CYP7B1: variants seen among roughly 807,000 people sequenced by gnomAD.
CYP7B1 encodes the protein cytochrome P450 7B1.
Under a neutral mutation model 42.7 loss-of-function variants are expected in CYP7B1, and 29 were observed. The observed-to-expected ratio is 0.68, with a 90% CI of 0.51 to 0.93. The LOEUF (loss-of-function observed/expected upper bound fraction) is 0.93, where lower values mean the gene tolerates loss of function less well. CYP7B1 is among the 40% of genes least tolerant of loss of function. CYP7B1 has a pLI of 0.00. For missense variants in CYP7B1, 655 were observed against 600.5 expected, an observed-to-expected ratio of 1.09 and a Z score of -0.95; for synonymous variants, 235 against 218.2, an observed-to-expected ratio of 1.08 and a Z score of -0.68.
chr8:64,761,734 C>G (rs2129633733), intron 1 of CYP7B1, among the ~76,000 whole-genome samples: 1 of 152,214 alleles, frequency 6.6e-6, no homozygotes, highest in South Asian at 2.1e-4. Flanking sequence ...CACCAGAATG[C>G]ACATAAACCA....
intron 1 of CYP7B1, among the ~76,000 whole-genome samples, chr8:64,748,415 A>C (rs527641996): frequency 2.0e-5 from 3 of 152,262 alleles, no homozygotes; most frequent in African/African-American, 7.2e-5. Flanking sequence ...ATTCAAATCC[A>C]GTAAGTACTT....
chr8:64,640,093 A>G (rs566744373), intron 1 of CYP7B1, among the ~76,000 whole-genome samples: 1 of 152,270 alleles, frequency 6.6e-6, no homozygotes, highest in African/African-American at 2.4e-5. Context: ...TTGAAAAGAT[A>G]AAAATAGAGG....
At position 64,753,398 on chromosome 8, in the gene CYP7B1, TTTC is replaced by T; in HGVS notation, c.122+45065_122+45067del. Among the ~76,000 whole-genome samples, 3 of 152,358 alleles carry T rather than the reference TTTC, an allele frequency of 2.0e-5. 1 individual carries two copies. The highest frequency in any genetic ancestry group is 2.0e-4 in the Admixed American group (3 of 15,302). On this transcript the variant is annotated intron_variant, in intron 1 of 5. Transcript: ENST00000310193. ...CTCCTTGCTTTGCAATCCAACTTGG[TTTC>T]TTCTATATACTAAGCAAGTATATGT...
chr8:64,641,361 A>T (rs1486325136), intron 1 of CYP7B1, among the ~76,000 whole-genome samples: 1 of 152,190 alleles, frequency 6.6e-6, no homozygotes, highest in Non-Finnish European at 1.5e-5. Context: ...TGATAAAAGT[A>T]AAATACAAAA....
chr8:64,641,925 A>C (rs1449527601), intron 1 of CYP7B1, among the ~76,000 whole-genome samples: 1 of 152,190 alleles, frequency 6.6e-6, no homozygotes, highest in Non-Finnish European at 1.5e-5. Flanking sequence ...AAACATATAG[A>C]CTGAGCAAAA....
chr8:64,710,835 A>C, intron 1 of CYP7B1, among the ~76,000 whole-genome samples: 1 of 150,790 alleles, frequency 6.6e-6, no homozygotes, highest in Admixed American at 6.6e-5. Flanking sequence ...GCACCTTATA[A>C]AAATAAATAC....
At chr8:64,750,254 C>T (rs1220090426) in intron 1 of CYP7B1, among the ~76,000 whole-genome samples, 1 of 152,072 alleles carries the variant, frequency 6.6e-6, no homozygotes, top group African/African-American at 2.4e-5. Flanking sequence ...AATGATTCTC[C>T]ACCTTTACCT....
At chr8:64,628,133 A>C (rs1183819373) in intron 1 of CYP7B1, among the ~76,000 whole-genome samples, 2 of 152,186 alleles carry the variant, frequency 1.3e-5, no homozygotes, top group Non-Finnish European at 2.9e-5. Flanking sequence ...TCATAATCTC[A>C]AACAATATAC....
Position 64,604,945 on chromosome 8 carries a change from G to A in CYP7B1, c.1058-88C>T, listed in dbSNP as rs531001215. 638 of 1,384,302 alleles carry A rather than the reference G, an allele frequency of 4.6e-4. 1 individual carries two copies. The highest frequency in any genetic ancestry group is 5.8e-4 in the Non-Finnish European group (584 of 1,002,948). The allele number at this position is 1,384,302 out of a possible 1,614,324, so 85.8% of individuals were successfully genotyped here. A position where few individuals can be genotyped will look rare whatever the true frequency, so the allele number is the denominator to read the frequency against. On this transcript the variant is annotated intron_variant, in intron 4 of 5. Transcript: ENST00000310193. ...TTTGCAATAAAACTCATTACTAATAGCCTTGATTGAAAAGGAAACTGTTTC... is the reference window on the plus strand; with the variant it reads ...TTTGCAATAAAACTCATTACTAATAACCTTGATTGAAAAGGAAACTGTTTC...
chr8:64,731,198 C>T (rs1807403829), intron 1 of CYP7B1, among the ~76,000 whole-genome samples: 1 of 152,000 alleles, frequency 6.6e-6, no homozygotes. Context: ...CTGCAGATAC[C>T]CAAAAATGTG....
intron 1 of CYP7B1, among the ~76,000 whole-genome samples, chr8:64,754,349 A>G (rs1368624528): frequency 1.2e-4 from 18 of 152,228 alleles, no homozygotes; most frequent in Admixed American, 1.1e-3. Flanking sequence ...TTGGTGCATT[A>G]CATTAATAAA....
chr8:64,714,087 T>G (rs763451948), intron 1 of CYP7B1, among the ~76,000 whole-genome samples: 1 of 152,174 alleles, frequency 6.6e-6, no homozygotes, highest in East Asian at 1.9e-4. Flanking sequence ...GCCCAGCTTT[T>G]CTGAGTGGAG....
chr8:64,788,488 G>A (rs112625682), intron 1 of CYP7B1, among the ~76,000 whole-genome samples: 9 of 152,262 alleles, frequency 5.9e-5, no homozygotes, highest in East Asian at 1.9e-4. Flanking sequence ...CCTGAGGTTC[G>A]TTGCTGTGCC....
At chr8:64,658,493 T>C (rs1450058192) in intron 1 of CYP7B1, among the ~76,000 whole-genome samples, 2 of 152,224 alleles carry the variant, frequency 1.3e-5, no homozygotes, top group Non-Finnish European at 2.9e-5. Context: ...ATAACTCTTA[T>C]ATGGAATGTG....
intron 1 of CYP7B1, among the ~76,000 whole-genome samples, chr8:64,676,881 C>T (rs1178905473): frequency 1.3e-5 from 2 of 151,982 alleles, no homozygotes; most frequent in African/African-American, 4.8e-5. Context: ...CAAAACTGAT[C>T]CACCATAGCC....
chr8:64,727,529 G>A (rs1039638119), intron 1 of CYP7B1, among the ~76,000 whole-genome samples: 9 of 152,124 alleles, frequency 5.9e-5, no homozygotes, highest in Non-Finnish European at 1.3e-4. Flanking sequence ...TTTTTGAAAA[G>A]AAGAATTATC....
Position 64,748,897 on chromosome 8 carries a change from T to C in CYP7B1, c.122+49569A>G, listed in dbSNP as rs1459592149. ...TAGTAAACTACAGTCTCCATCTTCA[T>C]AGAGCTGTAGTCTACAGCTAGAGAA... On this transcript the variant is annotated intron_variant, in intron 1 of 5. Transcript: ENST00000310193. Among the ~76,000 whole-genome samples, 8 of 152,194 alleles carry C rather than the reference T, an allele frequency of 5.3e-5. No individual in the cohort carries two copies. The East Asian group carries it at 1.2e-3, about 22-fold the overall frequency.
In CYP7B1 at chr8:64,639,859, CAT is replaced by C. The variant is rs530202293; in HGVS notation, c.123-15322_123-15321del. 2.2e-3 allele frequency among the ~76,000 whole-genome samples: 334 copies of C among 152,074 alleles called. 1 individual carries two copies. The highest frequency in any genetic ancestry group is 6.8e-3 in the Middle Eastern group (2 of 294). On this transcript the variant is annotated intron_variant, in intron 1 of 5. Coordinates refer to ENST00000310193, the MANE Select transcript of CYP7B1 (RefSeq NM_004820.5). ...TAATAGTCAAAATTTAGAAATAATT[CAT>C]ATGTCTATTGATTAGTGAATGGGTA... is the stretch of plus-strand genomic sequence containing the variant.
intron 1 of CYP7B1, among the ~76,000 whole-genome samples, chr8:64,669,958 T>G (rs2129631661): frequency 6.6e-6 from 1 of 152,352 alleles, no homozygotes; most frequent in East Asian, 1.9e-4. Context: ...CTTCCAGATT[T>G]GCCTTTTTGT....
Sources: allele counts gnomAD v4.1 joint callset (sites outside exome capture counted in the v4.1 genomes callset), GRCh38; gene constraint gnomAD v4.1.1; transcripts MANE v1.5; gene names NCBI Gene and HGNC (gene_info 2026-07-23, HGNC 2026-07-21).